Variants in ZMAT4 observed in about 807,000 individuals in gnomAD.
ZMAT4 encodes the protein zinc finger matrin-type 4.
A neutral mutation model predicts 28.7 loss-of-function variants in ZMAT4; 17 were observed. That is an observed-to-expected ratio of 0.59 (90% CI 0.41 to 0.89). The LOEUF (loss-of-function observed/expected upper bound fraction) is 0.89, where lower values mean the gene tolerates loss of function less well. Ranked by LOEUF, ZMAT4 falls within the 40% of genes least tolerant of loss-of-function variation. ZMAT4 has a pLI of 0.00. For missense variants in ZMAT4, 240 were observed against 283.8 expected (o/e 0.85, Z 1.11); for synonymous variants, 117 against 109.2 (o/e 1.07, Z -0.44).
At chr8:40,534,677 C>CTTTT (rs34915339) in intron 6 of ZMAT4, among the ~76,000 whole-genome samples, 6 of 87,374 alleles carry the variant, frequency 6.9e-5, no homozygotes, top group African/African-American at 1.1e-4. Context: ...CATTTGCTAC[C>CTTTT]TTTTTTTTTT....
At chr8:40,606,415 T>G (rs1247505651) in intron 5 of ZMAT4, among the ~76,000 whole-genome samples, 2 of 152,180 alleles carry the variant, frequency 1.3e-5, no homozygotes, top group Admixed American at 6.5e-5. Flanking sequence ...TGAAAAAAAA[T>G]GTATCTCCTC....
intron 5 of ZMAT4, among the ~76,000 whole-genome samples, chr8:40,620,763 A>G (rs1206741947): frequency 6.6e-6 from 1 of 152,216 alleles, no homozygotes. Flanking sequence ...CTGCAGTTAC[A>G]GTGCTTAACA....
rs568627024 is a variant in ZMAT4, at chr8:40,639,923, G to GGA, written c.577+34780_577+34781insTC. Among the ~76,000 whole-genome samples the GGA allele has an allele frequency of 1.2e-3, 178 of 152,028 alleles. 1 individual carries two copies. The Middle Eastern group carries it at 0.014, about 12-fold the overall frequency. ...ACTAACCCAAATAACTCCCTTGTCT[G>GGA]GTCCTCTCTCATTCTATTATATCCA... On this transcript the variant is annotated intron_variant, in intron 5 of 6. Coordinates refer to ENST00000297737, the MANE Select transcript of ZMAT4 (RefSeq NM_024645.3).
intron 3 of ZMAT4, among the ~76,000 whole-genome samples, chr8:40,715,266 C>T (rs563957688): frequency 3.9e-5 from 6 of 151,958 alleles, no homozygotes; most frequent in African/African-American, 7.2e-5. Context: ...GAGTAAGAGG[C>T]GATGAGCTCA....
intron 3 of ZMAT4, among the ~76,000 whole-genome samples, chr8:40,725,190 T>C (rs1453674026): frequency 6.9e-6 from 1 of 144,760 alleles, no homozygotes; most frequent in Non-Finnish European, 1.5e-5. Flanking sequence ...TCCTGCTAAG[T>C]CATCTGGCAT....
chr8:40,842,364 T>C (rs1175820732), intron 1 of ZMAT4, among the ~76,000 whole-genome samples: 1 of 152,232 alleles, frequency 6.6e-6, no homozygotes, highest in Non-Finnish European at 1.5e-5. Flanking sequence ...TTAAATCAAA[T>C]TGTTGGCTTA....
chr8:40,616,750 G>A (rs147331123), intron 5 of ZMAT4, among the ~76,000 whole-genome samples: 560 of 152,108 alleles, frequency 3.7e-3, no homozygotes, highest in Middle Eastern at 0.01. Context: ...TTGGGGGGAG[G>A]GAGGAGGGAT....
chr8:40,737,160 T>G (rs572731041), intron 3 of ZMAT4, among the ~76,000 whole-genome samples: 9 of 152,108 alleles, frequency 5.9e-5, no homozygotes, highest in Non-Finnish European at 1.3e-4. Flanking sequence ...CAGCTTTGAA[T>G]GTGGCCCAAC....
chr8:40,870,952 A>G (rs957675781), intron 1 of ZMAT4, among the ~76,000 whole-genome samples: 6 of 152,220 alleles, frequency 3.9e-5, no homozygotes, highest in Admixed American at 3.9e-4. Flanking sequence ...GAGTGCATGT[A>G]CATCACTCTT....
intron 5 of ZMAT4, among the ~76,000 whole-genome samples, chr8:40,651,390 A>C (rs951728940): frequency 2.6e-5 from 4 of 152,036 alleles, no homozygotes; most frequent in Non-Finnish European, 5.9e-5. Flanking sequence ...GGACCTCTTC[A>C]AGGAGAACTA....
At chr8:40,783,972 C>G (rs996822466) in intron 2 of ZMAT4, among the ~76,000 whole-genome samples, 1 of 152,158 alleles carries the variant, frequency 6.6e-6, no homozygotes, top group African/African-American at 2.4e-5. Flanking sequence ...GAAGGCACCA[C>G]TGCACTCCAG....
intron 3 of ZMAT4, among the ~76,000 whole-genome samples, chr8:40,709,242 TTTTTTATTGTTGTATTA>T (rs890295850): frequency 1.4e-5 from 2 of 138,854 alleles, no homozygotes; most frequent in African/African-American, 5.3e-5. Flanking sequence ...TTGTTGTATT[TTTTTTATTGTTGTATTA>T]TTTTTATTTC....
intron 6 of ZMAT4, among the ~76,000 whole-genome samples, chr8:40,534,092 A>T (rs1438209670): frequency 1.3e-5 from 2 of 151,858 alleles, no homozygotes; most frequent in Non-Finnish European, 2.9e-5. Flanking sequence ...TTTTTTTTTT[A>T]AACTTATAGT....
At chr8:40,803,537 T>C (rs1319354737) in intron 2 of ZMAT4, among the ~76,000 whole-genome samples, 2 of 152,072 alleles carry the variant, frequency 1.3e-5, no homozygotes, top group East Asian at 1.9e-4. Context: ...AAAATAACAA[T>C]GAGATACCAC....
At chr8:40,571,303 A>G (rs1470796874) in intron 6 of ZMAT4, among the ~76,000 whole-genome samples, 1 of 5,352 alleles carries the variant, frequency 1.9e-4, no homozygotes, top group East Asian at 0.12. Flanking sequence ...TGCAAGTGCA[A>G]CTTAGAAAAA....
intron 1 of ZMAT4, among the ~76,000 whole-genome samples, chr8:40,879,209 C>T (rs945956566): frequency 6.6e-6 from 1 of 152,084 alleles, no homozygotes; most frequent in Non-Finnish European, 1.5e-5. Context: ...ATCACCTGAC[C>T]CTAGGAGTTC....
Position 40,606,097 on chromosome 8 carries a change from T to G in ZMAT4, c.578-24836A>C, listed in dbSNP as rs113201813. On this transcript the variant is annotated intron_variant, in intron 5 of 6. Transcript: ENST00000297737. ...TGTTCGATTAGTCTCTTGAAGACAG[T>G]GGATACTTGGTTGGTGAATTCTTAC... Among the ~76,000 whole-genome samples the G allele has an allele frequency of 6.4e-4, 97 of 152,314 alleles. 1 individual carries two copies. Among genetic ancestry groups the G allele is most frequent in the African/African-American group, 2.2e-3 (92 of 41,580 alleles).
chr8:40,674,906 G>A lies in ZMAT4; in HGVS notation c.375C>T (p.Pro125=), dbSNP rs770626632. ...CCACCGGAGCAGTGTCCATCCGTGGGGGCTTAAGTGGGCTCAGGGGTGTTG... is the reference window on the plus strand; with the variant it reads ...CCACCGGAGCAGTGTCCATCCGTGGAGGCTTAAGTGGGCTCAGGGGTGTTG... ...TTATPLSPLK[P]PRMDTAPVVA... The change falls in exon 5 of 7, where the codon CCC becomes CCT. Residue 125 remains proline (P), a synonymous_variant. Coordinates refer to ENST00000297737, the MANE Select transcript of ZMAT4 (RefSeq NM_024645.3). 2 of 1,612,882 alleles carry A rather than the reference G, an allele frequency of 1.2e-6. No homozygotes were observed. The highest frequency in any genetic ancestry group is 1.7e-6 in the Non-Finnish European group (2 of 1,179,774).
chr8:40,869,299 TC>T (rs56198860), intron 1 of ZMAT4, among the ~76,000 whole-genome samples: 35,087 of 152,144 alleles, frequency 0.23, 4,879 homozygotes, highest in East Asian at 0.39. Flanking sequence ...TTAGTTGAGA[TC>T]CCCAGTGAAC....
Sources: allele counts gnomAD v4.1 joint callset (sites outside exome capture counted in the v4.1 genomes callset), GRCh38; gene constraint gnomAD v4.1.1; transcripts MANE v1.5; gene names NCBI Gene and HGNC (gene_info 2026-07-23, HGNC 2026-07-21).